Variants in ASIC2 observed in about 807,000 individuals in gnomAD.
The protein encoded by ASIC2 is acid sensing ion channel subunit 2, also known as acid-sensing ion channel 2.
A neutral mutation model predicts 57.3 loss-of-function variants in ASIC2; 25 were observed. The observed-to-expected ratio is 0.44, with a 90% CI of 0.32 to 0.61. ASIC2 has a LOEUF of 0.61. Ranked by LOEUF, ASIC2 falls within the 20% of genes least tolerant of loss-of-function variation. ASIC2 has a pLI of 0.06. For missense variants in ASIC2, 641 were observed against 738.1 expected, an observed-to-expected ratio of 0.87 and a Z score of 1.52; for synonymous variants, 319 against 307.5, an observed-to-expected ratio of 1.04 and a Z score of -0.39.
chr17:33,614,311 C>T (rs1905523403), intron 1 of ASIC2, among the ~76,000 whole-genome samples: 1 of 152,142 alleles, frequency 6.6e-6, no homozygotes, highest in Admixed American at 6.5e-5. Flanking sequence ...CGGAGCTGTA[C>T]CCCGTCAGAC....
intron 1 of ASIC2, among the ~76,000 whole-genome samples, chr17:33,232,885 G>A (rs911450046): frequency 1.3e-5 from 2 of 152,142 alleles, no homozygotes; most frequent in East Asian, 3.9e-4. Context: ...CTTTGTCCTG[G>A]GGGTCTTCTT....
Position 33,232,445 on chromosome 17 carries a change from G to GT in ASIC2, c.708+58962_708+58963insA, listed in dbSNP as rs1177399089. Among the ~76,000 whole-genome samples the GT allele has an allele frequency of 2.8e-3, 424 of 149,652 alleles. 3 individuals carry two copies. Among genetic ancestry groups the GT allele is most frequent in the African/African-American group, 9.3e-3 (371 of 39,830 alleles). ...GTATGGTATGGTATGGTATGGTATGGAATGGTATGGTATGGTATGGTATGG... is the reference window on the plus strand; with the variant it reads ...GTATGGTATGGTATGGTATGGTATGGTAATGGTATGGTATGGTATGGTATGG... On this transcript the variant is annotated intron_variant, in intron 1 of 9. Transcript: ENST00000225823.
intron 3 of ASIC2, among the ~76,000 whole-genome samples, chr17:33,062,117 T>G (rs1186571143): frequency 6.6e-6 from 1 of 152,244 alleles, no homozygotes; most frequent in Non-Finnish European, 1.5e-5. Flanking sequence ...AACCAGCTCC[T>G]GGATTCACTG....
chr17:33,020,788 A>C (rs2091832305), intron 7 of ASIC2, among the ~76,000 whole-genome samples: 1 of 151,600 alleles, frequency 6.6e-6, no homozygotes, highest in Admixed American at 6.6e-5. Context: ...CAGGGCCCTC[A>C]CCTCCCAGGT....
chr17:33,804,514 G>T (rs1167282557), intron 1 of ASIC2, among the ~76,000 whole-genome samples: 2 of 152,188 alleles, frequency 1.3e-5, no homozygotes, highest in East Asian at 1.9e-4. Flanking sequence ...AGAACCAGAG[G>T]TTAAAGCAAA....
At chr17:33,220,188 C>T (rs1007380748) in intron 1 of ASIC2, among the ~76,000 whole-genome samples, 1 of 152,200 alleles carries the variant, frequency 6.6e-6, no homozygotes, top group Non-Finnish European at 1.5e-5. Context: ...GCCTCCCCAA[C>T]TGATCTTCCA....
At chr17:33,449,676 A>C (rs1246537567) in intron 1 of ASIC2, among the ~76,000 whole-genome samples, 1 of 152,180 alleles carries the variant, frequency 6.6e-6, no homozygotes, top group Admixed American at 6.5e-5. Context: ...TTTCCTATAC[A>C]TAAAGCGTTA....
chr17:33,563,670 C>G (rs1916144741), intron 1 of ASIC2, among the ~76,000 whole-genome samples: 1 of 152,142 alleles, frequency 6.6e-6, no homozygotes, highest in African/African-American at 2.4e-5. Flanking sequence ...ATCTTGTAGC[C>G]ACTGCTCCCA....
At chr17:34,000,535 G>A (rs983615783) in intron 1 of ASIC2, among the ~76,000 whole-genome samples, 7 of 152,124 alleles carry the variant, frequency 4.6e-5, no homozygotes, top group African/African-American at 1.4e-4. Context: ...TTACAGGTGT[G>A]AGCCACCACA....
At chr17:34,099,791 AAAGAAAG>A (rs1378797601) in intron 1 of ASIC2, among the ~76,000 whole-genome samples, 3,367 of 99,866 alleles carry the variant, frequency 0.034, 128 homozygotes, top group African/African-American at 0.066. Context: ...AGAAAGAAAG[AAAGAAAG>A]AAAGAAAAGA....
intron 1 of ASIC2, among the ~76,000 whole-genome samples, chr17:33,597,486 C>T (rs1468128680): frequency 6.6e-6 from 1 of 151,814 alleles, no homozygotes; most frequent in Non-Finnish European, 1.5e-5. Flanking sequence ...CCCTGCTCTG[C>T]AAAATGGGCC....
intron 1 of ASIC2, among the ~76,000 whole-genome samples, chr17:34,076,148 G>A (rs1909642647): frequency 6.6e-6 from 1 of 151,952 alleles, no homozygotes; most frequent in South Asian, 2.1e-4. Flanking sequence ...GACTACAGGT[G>A]CCTGCCACCA....
chr17:33,658,133 A>G (rs1907134473), intron 1 of ASIC2, among the ~76,000 whole-genome samples: 1 of 152,166 alleles, frequency 6.6e-6, no homozygotes, highest in Admixed American at 6.5e-5. Context: ...CTGGGCTTCC[A>G]TCTGGGCTCA....
chr17:33,335,052 C>G (rs1483021048), intron 1 of ASIC2, among the ~76,000 whole-genome samples: 1 of 152,162 alleles, frequency 6.6e-6, no homozygotes, highest in Non-Finnish European at 1.5e-5. Flanking sequence ...GTCATGTGAG[C>G]CAATCCTGGC....
chr17:33,916,539 G>C (rs769097147), intron 1 of ASIC2, among the ~76,000 whole-genome samples: 1 of 152,062 alleles, frequency 6.6e-6, no homozygotes, highest in Non-Finnish European at 1.5e-5. Context: ...CAGCTCACTG[G>C]GATTTATGTT....
At chr17:33,875,689 A>G (rs1212429518) in intron 1 of ASIC2, among the ~76,000 whole-genome samples, 1 of 152,170 alleles carries the variant, frequency 6.6e-6, no homozygotes, top group Non-Finnish European at 1.5e-5. Flanking sequence ...CTATCTGTGC[A>G]CTAAGAAGAT....
intron 1 of ASIC2, among the ~76,000 whole-genome samples, chr17:33,844,861 AT>A (rs1198421609): frequency 6.6e-6 from 1 of 152,062 alleles, no homozygotes; most frequent in Admixed American, 6.5e-5. Flanking sequence ...AAATTTTTTT[AT>A]TTTTCTAGCA....
rs112137292 is a variant in ASIC2, at chr17:33,314,904, T to C, written c.556-202837A>G. ...TTTTAATTAATTGGGAAGCTGGCAATGTAGGGAGGTAGGGAGGCTGCATGA... is the reference window on the plus strand; with the variant it reads ...TTTTAATTAATTGGGAAGCTGGCAACGTAGGGAGGTAGGGAGGCTGCATGA... On this transcript the variant is annotated intron_variant, in intron 1 of 9. Transcript: ENST00000359872. Among the ~76,000 whole-genome samples the C allele has an allele frequency of 6.4e-3, 976 of 152,240 alleles. 8 individuals carry two copies. The highest frequency in any genetic ancestry group is 0.022 in the African/African-American group (911 of 41,542).
chr17:34,033,017 G>A (rs567392679), intron 1 of ASIC2, among the ~76,000 whole-genome samples: 29 of 152,236 alleles, frequency 1.9e-4, no homozygotes, highest in Admixed American at 5.9e-4. Flanking sequence ...AGCGGACCTT[G>A]TAGACATCTA....
Sources: gnomAD v4.1 joint callset for allele counts (sites outside exome capture counted in the v4.1 genomes callset) on GRCh38, gnomAD v4.1.1 for gene constraint, MANE v1.5 for transcripts, NCBI Gene and HGNC (gene_info 2026-07-23, HGNC 2026-07-21) for gene names.